The following RPL35A variants were observed in gnomAD, a reference collection of about 807,000 sequenced individuals.
The protein encoded by RPL35A is large ribosomal subunit protein eL33.
A neutral mutation model predicts 16.7 loss-of-function variants in RPL35A; 1 was observed. The ratio of observed to expected loss-of-function variants is 0.06; its 90% confidence interval spans 0.02 to 0.28. RPL35A has a LOEUF of 0.28. Ranked by LOEUF, RPL35A falls within the 10% of genes least tolerant of loss-of-function variation. RPL35A has a pLI of 1.00. For missense variants in RPL35A, 91 were observed against 138.7 expected, an observed-to-expected ratio of 0.66 and a Z score of 1.73; for synonymous variants, 58 against 47.0, an observed-to-expected ratio of 1.23 and a Z score of -0.96.
At chr3:197,953,526 G>T in intron 3 of RPL35A, 1 of 457,082 alleles carries the variant, frequency 2.2e-6, no homozygotes, top group Non-Finnish European at 4.4e-6. Context: ...CTTTCTTCCG[G>T]CCAGGACACA....
chr3:197,951,068 T>C, intron 2 of RPL35A, 90 bp downstream of exon 2: 2 of 1,602,094 alleles, frequency 1.2e-6, no homozygotes, highest in South Asian at 1.1e-5. Flanking sequence ...ACTTAGATGT[T>C]TGCTCTGAGT....
intron 1 of RPL35A, 66 bp from the exon 2 acceptor site, chr3:197,950,870 C>A: frequency 6.7e-7 from 1 of 1,498,302 alleles, no homozygotes; most frequent in Non-Finnish European, 9.3e-7. Flanking sequence ...GGGGCTTAAA[C>A]GAGAGGGGAC....
chr3:197,952,855 C>G (rs1402291773), intron 3 of RPL35A, among the ~76,000 whole-genome samples: 2 of 149,784 alleles, frequency 1.3e-5, no homozygotes, highest in Non-Finnish European at 3.0e-5. Context: ...TTTTTTGAGA[C>G]AAAGTGTTGC....
rs146813139 is a variant in RPL35A at position 197,955,280 on chromosome 3, T to C, written c.310-470T>C. On this transcript the variant is annotated intron_variant, in intron 4 of 4. Coordinates refer to ENST00000647248, the MANE Select transcript of RPL35A (RefSeq NM_000996.4). Reference sequence around the variant, plus strand: ...GTACATGTTTTTCTTTTTCTTTTTTTTTTTTTGAGACCAGAGTCTCATTCT... The same window carrying C: ...GTACATGTTTTTCTTTTTCTTTTTTCTTTTTTGAGACCAGAGTCTCATTCT... Among the ~76,000 whole-genome samples the C allele has an allele frequency of 7.9e-5, 12 of 152,032 alleles. No homozygotes were observed. The East Asian group carries it at 2.3e-3, about 29-fold the overall frequency.
intron 3 of RPL35A, chr3:197,953,392 T>G (rs1057427368): frequency 2.2e-6 from 1 of 456,116 alleles, no homozygotes; most frequent in Admixed American, 2.4e-5. Flanking sequence ...GAAATATATA[T>G]AAAGTCATAT....
At chr3:197,953,065 C>G (rs1035378946) in intron 3 of RPL35A, among the ~76,000 whole-genome samples, 1 of 152,134 alleles carries the variant, frequency 6.6e-6, no homozygotes, top group Non-Finnish European at 1.5e-5. Context: ...TCCCAAAGTG[C>G]TGGGATTACA....
At chr3:197,950,264 G>C (rs1719942496) in intron 1 of RPL35A, 43 bp downstream of exon 1, 1 of 1,230,146 alleles carries the variant, frequency 8.1e-7, no homozygotes, top group Admixed American at 4.2e-5. Context: ...GCAAATAACC[G>C]GAGTAGGTTT....
At chr3:197,950,357 A>G (rs1164998020) in intron 1 of RPL35A, 136 bp downstream of exon 1, 2 of 1,220,092 alleles carry the variant, frequency 1.6e-6, no homozygotes, top group Non-Finnish European at 1.0e-6. Context: ...AAGAGGGAGA[A>G]CAGGATGGAG....
At chr3:197,953,696 C>T (rs1413812904) in intron 3 of RPL35A, 12 of 448,344 alleles carry the variant, frequency 2.7e-5, no homozygotes, top group Non-Finnish European at 5.0e-5. Flanking sequence ...AATATCCTCA[C>T]ACTTGTCCTT....
chr3:197,955,175 G>C (rs1053404125), intron 4 of RPL35A, among the ~76,000 whole-genome samples: 1 of 152,082 alleles, frequency 6.6e-6, no homozygotes, highest in Non-Finnish European at 1.5e-5. Context: ...GTTGAACCCT[G>C]CTAAGTGGTT....
At chr3:197,952,762 G>A (rs1201425070) in intron 3 of RPL35A, 1 of 152,228 alleles carries the variant, frequency 6.6e-6, no homozygotes, top group Non-Finnish European at 1.5e-5. Flanking sequence ...CCAGAGTGCT[G>A]GGATTATAGC....
chr3:197,950,742 T>TA lies in RPL35A; in HGVS notation c.-32-193dup, dbSNP rs1404627740. 30 of 605,494 alleles carry TA rather than the reference T, an allele frequency of 5.0e-5. No individual in the cohort carries two copies. The Admixed American group carries it at 7.9e-4, about 16-fold the overall frequency. 37.5% of individuals were successfully genotyped at this position (605,494 alleles called of 1,614,324 possible). On this transcript the variant is annotated intron_variant, in intron 1 of 4. Transcript: ENST00000647248. ...GTCTTCATTCTGAAGTTTGCTTAGATACCAGCTGTTCTCTGAGGTTTGAAT... is the reference window on the plus strand; with the variant it reads ...GTCTTCATTCTGAAGTTTGCTTAGATAACCAGCTGTTCTCTGAGGTTTGAAT...
At chr3:197,951,340 G>C in intron 3 of RPL35A, 29 bp downstream of exon 3, 1 of 1,611,958 alleles carries the variant, frequency 6.2e-7, no homozygotes, top group Non-Finnish European at 8.5e-7. Context: ...TAGGTTTTGG[G>C]TTTTTGAGAT....
intron 4 of RPL35A, chr3:197,954,457 C>T: frequency 7.2e-6 from 3 of 416,560 alleles, no homozygotes; most frequent in South Asian, 6.5e-5. Flanking sequence ...CCTCAGCCCC[C>T]CAAGTAGCTG....
chr3:197,955,880 A>G lies in RPL35A; in HGVS notation c.*107A>G. ...ATTTGCTACATGCTTAAAATGATAG[A>G]GGTTGCTCAGCATTTTTGGAGTACA... On this transcript the variant is annotated 3_prime_UTR_variant, in exon 5 of 5. Transcript: ENST00000647248. The G allele has an allele frequency of 1.0e-6, 1 of 968,036 alleles. No homozygotes were observed. The highest frequency in any genetic ancestry group is 1.7e-5 in the Admixed American group (1 of 57,686). The allele number at this position is 968,036 out of a possible 1,614,324, so 60.0% of individuals were successfully genotyped here.
In RPL35A at chr3:197,950,937, C is replaced by T. The variant is rs766043927; in HGVS notation, c.-31C>T. ...ACTAATCTTTTTGTTTGTTTTAAGG[C>T]CTGCTGGGAACGGGACTTCTAAAAG... On this transcript the variant is annotated splice_region_variant and 5_prime_UTR_variant, in exon 2 of 5. Coordinates refer to ENST00000647248, the MANE Select transcript of RPL35A (RefSeq NM_000996.4). 9.9e-6 allele frequency: 16 copies of T among 1,613,862 alleles called. No individual in the cohort carries two copies. The highest frequency in any genetic ancestry group is 1.7e-5 in the Admixed American group (1 of 60,000).
rs1156893805 is a variant in RPL35A at position 197,955,743 on chromosome 3, C to G, written c.310-7C>G. 1 of 1,600,966 alleles carries G rather than the reference C, an allele frequency of 6.2e-7. No individual in the cohort carries two copies. The highest frequency in any genetic ancestry group is 8.5e-7 in the Non-Finnish European group (1 of 1,170,224). On this transcript the variant is annotated splice_polypyrimidine_tract_variant and splice_region_variant and intron_variant, in intron 4 of 4. Coordinates refer to ENST00000647248, the MANE Select transcript of RPL35A (RefSeq NM_000996.4). ...ACCTAATGTTTTGTGTTCTTTTTTC[C>G]CTGCAGATGCTGTACCCCTCAAGGA...
intron 4 of RPL35A, 70 bp downstream of exon 4, chr3:197,954,217 T>A: frequency 6.6e-7 from 1 of 1,520,158 alleles, no homozygotes; most frequent in Non-Finnish European, 9.1e-7. Flanking sequence ...TGCTTTGACT[T>A]CTGAGGACTT....
At chr3:197,951,443 C>T (rs1456833960) in intron 3 of RPL35A, 132 bp downstream of exon 3, 2 of 987,228 alleles carry the variant, frequency 2.0e-6, no homozygotes, top group Non-Finnish European at 3.2e-6. Flanking sequence ...ACCTCCGCCT[C>T]CCGGGTTCAA....
Sources: gnomAD v4.1 joint callset for allele counts (sites outside exome capture counted in the v4.1 genomes callset) on GRCh38, gnomAD v4.1.1 for gene constraint, MANE v1.5 for transcripts, NCBI Gene and HGNC (gene_info 2026-07-23, HGNC 2026-07-21) for gene names.